TTBK2: variants seen among roughly 807,000 people sequenced by gnomAD.
TTBK2 encodes tau-tubulin kinase 2.
TTBK2 carries 28 observed loss-of-function variants against 110.8 expected under a neutral mutation model. The observed-to-expected ratio is 0.25, with a 90% confidence interval of 0.19 to 0.35. The LOEUF (loss-of-function observed/expected upper bound fraction) is 0.35, where lower values mean the gene tolerates loss of function less well. Ranked by LOEUF, TTBK2 falls within the 10% of genes least tolerant of loss-of-function variation. The pLI is 1.00. For missense variants in TTBK2, 1,369 were observed against 1,500.3 expected (o/e 0.91, Z 1.45); for synonymous variants, 532 against 527.3 (o/e 1.01, Z -0.12).
At position 42,755,011 on chromosome 15, in the gene TTBK2, G is replaced by GAAAAA. The variant is rs71431863; in HGVS notation, c.1999-1769_1999-1765dup. ...CAATAAGAGTGAAGCTCCATCTCAGGAAAAAAAAAAAAAAAAAAAAAAATC... is the reference window on the plus strand; with the variant it reads ...CAATAAGAGTGAAGCTCCATCTCAGGAAAAAAAAAAAAAAAAAAAAAAAAAAAATC... On this transcript the variant is annotated intron_variant, in intron 13 of 14. Coordinates refer to ENST00000267890, the MANE Select transcript of TTBK2 (RefSeq NM_173500.4). Among the ~76,000 whole-genome samples the GAAAAA allele has an allele frequency of 1.4e-4, 10 of 69,830 alleles. No individual in the cohort carries two copies. In the East Asian group the frequency reaches 3.3e-3, roughly 23 times the overall value. 45.8% of individuals were successfully genotyped at this position (69,830 alleles called of 152,430 possible).
intron 1 of TTBK2, among the ~76,000 whole-genome samples, chr15:42,881,119 T>C (rs968755233): frequency 6.6e-6 from 1 of 151,218 alleles, no homozygotes; most frequent in Non-Finnish European, 1.5e-5. Flanking sequence ...CTGTCTCTAC[T>C]AAAAATACAA....
At position 42,870,018 on chromosome 15, in the gene TTBK2, C is replaced by T. The variant is rs548765114; in HGVS notation, c.217+2593G>A. Among the ~76,000 whole-genome samples the T allele has an allele frequency of 7.9e-5, 12 of 151,772 alleles. No homozygotes were observed. The East Asian group carries it at 2.3e-3, about 30-fold the overall frequency. On this transcript the variant is annotated intron_variant, in intron 3 of 14. Coordinates refer to ENST00000267890, the MANE Select transcript of TTBK2 (RefSeq NM_173500.4). ...TGAAACCCCATCTCTACTAAAAATA[C>T]AAAAAATTAGCTGGGCATGGTGGCA...
At chr15:42,832,206 T>C (rs1276604445) in intron 4 of TTBK2, among the ~76,000 whole-genome samples, 2 of 152,222 alleles carry the variant, frequency 1.3e-5, no homozygotes, top group East Asian at 1.9e-4. Context: ...TAACTTTTAT[T>C]AGCATTCCAA....
chr15:42,889,587 T>C (rs1042013731), intron 1 of TTBK2, among the ~76,000 whole-genome samples: 3 of 152,336 alleles, frequency 2.0e-5, no homozygotes, highest in Non-Finnish European at 4.4e-5. Context: ...TAAACCCCCT[T>C]GGGCAGTCTC....
intron 1 of TTBK2, among the ~76,000 whole-genome samples, chr15:42,896,960 C>A (rs1895691268): frequency 6.6e-6 from 1 of 151,574 alleles, no homozygotes; most frequent in Non-Finnish European, 1.5e-5. Flanking sequence ...TTTACTGCAA[C>A]CTCCACCTCC....
chr15:42,832,864 C>T (rs1268565174), intron 4 of TTBK2, among the ~76,000 whole-genome samples: 1 of 152,076 alleles, frequency 6.6e-6, no homozygotes, highest in Non-Finnish European at 1.5e-5. Context: ...TTTAGGCATC[C>T]ACTTGGGGCC....
intron 1 of TTBK2, among the ~76,000 whole-genome samples, chr15:42,885,926 T>C (rs955567040): frequency 5.3e-5 from 8 of 152,264 alleles, no homozygotes; most frequent in Middle Eastern, 3.4e-3. Flanking sequence ...CGACAGTAGT[T>C]CCAAGTGGCC....
At position 42,792,422 on chromosome 15, in the gene TTBK2, G is replaced by A. The variant is rs76730905; in HGVS notation, c.980+2222C>T. ...CAAATTGATACATCTTTTTTCCTCC[G>A]TCACTCCACTAATGAAGGACACTTC... is the stretch of plus-strand genomic sequence containing the variant. On this transcript the variant is annotated intron_variant, in intron 10 of 14. Coordinates refer to ENST00000267890, the MANE Select transcript of TTBK2 (RefSeq NM_173500.4). Among the ~76,000 whole-genome samples, 1,440 of 151,230 alleles carry A rather than the reference G, an allele frequency of 9.5e-3. 9 individuals carry two copies. Among genetic ancestry groups the A allele is most frequent in the South Asian group, 0.019 (92 of 4,768 alleles).
intron 3 of TTBK2, chr15:42,857,482 T>C (rs1216242501): frequency 6.6e-6 from 1 of 151,870 alleles, no homozygotes; most frequent in Non-Finnish European, 1.5e-5. Flanking sequence ...ATTGTGCCAC[T>C]GTACTCCAGC....
chr15:42,782,171 A>C (rs1050068607), intron 11 of TTBK2, among the ~76,000 whole-genome samples: 5 of 152,158 alleles, frequency 3.3e-5, no homozygotes, highest in African/African-American at 1.2e-4. Context: ...TCTCAGGTTC[A>C]AGCGATTCTC....
At chr15:42,860,967 T>C (rs879605995) in intron 3 of TTBK2, among the ~76,000 whole-genome samples, 1 of 152,038 alleles carries the variant, frequency 6.6e-6, no homozygotes, top group Non-Finnish European at 1.5e-5. Context: ...GGTATTCTTA[T>C]ATCAGACAAA....
intron 13 of TTBK2, among the ~76,000 whole-genome samples, chr15:42,756,047 A>G (rs2061941035): frequency 6.7e-6 from 1 of 149,562 alleles, no homozygotes; most frequent in Non-Finnish European, 1.5e-5. Flanking sequence ...AATACAAAAA[A>G]TTAGCCAGGT....
At chr15:42,790,837 C>T (rs1308937748) in intron 10 of TTBK2, among the ~76,000 whole-genome samples, 1 of 151,880 alleles carries the variant, frequency 6.6e-6, no homozygotes, top group African/African-American at 2.4e-5. Flanking sequence ...GTAGCTGGGA[C>T]TACAGGTGTG....
At chr15:42,823,443 T>C (rs1892394207) in intron 6 of TTBK2, among the ~76,000 whole-genome samples, 1 of 152,184 alleles carries the variant, frequency 6.6e-6, no homozygotes, top group Non-Finnish European at 1.5e-5. Context: ...GTAGAGGCTG[T>C]CAAAACCAAC....
intron 3 of TTBK2, among the ~76,000 whole-genome samples, chr15:42,850,751 T>C (rs1893666473): frequency 6.6e-6 from 1 of 152,162 alleles, no homozygotes; most frequent in South Asian, 2.1e-4. Flanking sequence ...TATATCTATG[T>C]GAAAAAAAGT....
intron 1 of TTBK2, among the ~76,000 whole-genome samples, chr15:42,917,989 A>G (rs1366096417): frequency 2.0e-5 from 3 of 152,056 alleles, no homozygotes; most frequent in Non-Finnish European, 4.4e-5. Flanking sequence ...ATTCTCAAAG[A>G]CTTTTTATTT....
intron 3 of TTBK2, among the ~76,000 whole-genome samples, chr15:42,862,781 G>A (rs138598103): frequency 0.047 from 7,142 of 152,080 alleles, 555 homozygotes; most frequent in African/African-American, 0.15. Flanking sequence ...CCAGCTACTC[G>A]GGAGGCTGAA....
At chr15:42,861,703 T>G (rs1894164626) in intron 3 of TTBK2, among the ~76,000 whole-genome samples, 1 of 151,448 alleles carries the variant, frequency 6.6e-6, no homozygotes, top group African/African-American at 2.4e-5. Flanking sequence ...GAGAACAAAC[T>G]AATCCCAAAG....
chr15:42,828,156 T>C (rs1892608514), intron 5 of TTBK2, 124 bp from the exon 6 acceptor site: 2 of 729,084 alleles, frequency 2.7e-6, no homozygotes, highest in South Asian at 1.8e-5. Context: ...CCAAATATAC[T>C]ATTCTAGTAA....
Sources: allele counts gnomAD v4.1 joint callset (sites outside exome capture counted in the v4.1 genomes callset), GRCh38; gene constraint gnomAD v4.1.1; transcripts MANE v1.5; gene names NCBI Gene and HGNC (gene_info 2026-07-23, HGNC 2026-07-21).